Variants in TMEM156 observed in about 807,000 individuals in gnomAD.
TMEM156 encodes the protein transmembrane protein 156.
TMEM156 carries 28 observed loss-of-function variants against 30.5 expected under a neutral mutation model. That is an observed-to-expected ratio of 0.92 (90% CI 0.68 to 1.26). The LOEUF (loss-of-function observed/expected upper bound fraction) is 1.26, where lower values mean the gene tolerates loss of function less well. TMEM156 is among the 50% of genes most tolerant of loss of function. The probability of loss-of-function intolerance (pLI) is 0.00; values close to 1 mark genes in which losing one functional copy is unlikely to be tolerated. For missense variants in TMEM156, 351 were observed against 340.6 expected, an observed-to-expected ratio of 1.03 and a Z score of -0.24; for synonymous variants, 137 against 119.9, an observed-to-expected ratio of 1.14 and a Z score of -0.93.
At chr4:38,999,200 T>A (rs1713164755) in intron 1 of TMEM156, among the ~76,000 whole-genome samples, 1 of 151,580 alleles carries the variant, frequency 6.6e-6, no homozygotes, top group African/African-American at 2.4e-5. Context: ...TACTGCAGCC[T>A]TGGCCTCCCA....
At chr4:39,018,094 T>C (rs1009944597) in intron 1 of TMEM156, among the ~76,000 whole-genome samples, 17 of 152,274 alleles carry the variant, frequency 1.1e-4, no homozygotes, top group Admixed American at 7.2e-4. Context: ...ATTGATTCAG[T>C]GATTTTTTTT....
intron 5 of TMEM156, among the ~76,000 whole-genome samples, chr4:38,973,486 T>C (rs1055786053): frequency 6.6e-6 from 1 of 152,186 alleles, no homozygotes; most frequent in African/African-American, 2.4e-5. Flanking sequence ...ATACAGTGTA[T>C]CCTCTAACTG....
chr4:38,983,093 G>C (rs978578375), intron 5 of TMEM156, among the ~76,000 whole-genome samples: 1 of 152,132 alleles, frequency 6.6e-6, no homozygotes, highest in African/African-American at 2.4e-5. Context: ...CAGTTCAGAG[G>C]GGGGTGACAC....
At chr4:38,984,580 G>C (rs1182710767) in intron 5 of TMEM156, among the ~76,000 whole-genome samples, 4 of 151,806 alleles carry the variant, frequency 2.6e-5, no homozygotes, top group Non-Finnish European at 5.9e-5. Flanking sequence ...TCTCACTGCT[G>C]CCTATAATCC....
chr4:39,024,615 A>G (rs1020324222), intron 1 of TMEM156, among the ~76,000 whole-genome samples: 3 of 152,200 alleles, frequency 2.0e-5, no homozygotes, highest in Admixed American at 2.0e-4. Flanking sequence ...TATAAGTGGG[A>G]GCTAAATGAT....
chr4:38,975,127 G>C (rs1052047602), intron 5 of TMEM156, among the ~76,000 whole-genome samples: 3 of 152,058 alleles, frequency 2.0e-5, no homozygotes, highest in Non-Finnish European at 4.4e-5. Context: ...CTTCTAAAGG[G>C]TAAATGACAA....
chr4:38,970,575 T>A (rs569157307), intron 6 of TMEM156, among the ~76,000 whole-genome samples: 11 of 152,260 alleles, frequency 7.2e-5, no homozygotes, highest in African/African-American at 2.2e-4. Flanking sequence ...TAAAAAAAAA[T>A]TTCAACACTT....
intron 5 of TMEM156, among the ~76,000 whole-genome samples, chr4:38,972,242 A>AT (rs144479056): frequency 0.011 from 869 of 75,868 alleles, 57 homozygotes; most frequent in East Asian, 0.035. Flanking sequence ...TTCTCTGGGA[A>AT]TTTTTTTTTT....
intron 1 of TMEM156, among the ~76,000 whole-genome samples, chr4:39,014,991 GT>G (rs1219669491): frequency 2.6e-5 from 4 of 152,094 alleles, no homozygotes; most frequent in Non-Finnish European, 5.9e-5. Flanking sequence ...CATGGACTGA[GT>G]TTCTTTAATT....
chr4:39,006,753 C>CA (rs1404638499), intron 1 of TMEM156, among the ~76,000 whole-genome samples: 1 of 151,680 alleles, frequency 6.6e-6, no homozygotes. Context: ...CCCATCTCTA[C>CA]AAAAAATACA....
chr4:39,013,663 G>A (rs1714282401), intron 1 of TMEM156, among the ~76,000 whole-genome samples: 1 of 152,044 alleles, frequency 6.6e-6, no homozygotes, highest in Non-Finnish European at 1.5e-5. Flanking sequence ...GCCTCCCAAA[G>A]TGCCGGGATT....
chr4:39,031,350 C>T (rs923496988), intron 1 of TMEM156, among the ~76,000 whole-genome samples: 5 of 152,234 alleles, frequency 3.3e-5, no homozygotes, highest in South Asian at 2.1e-4. Flanking sequence ...TTTTCTGAAA[C>T]GTTCACAAAG....
intron 5 of TMEM156, among the ~76,000 whole-genome samples, chr4:38,984,349 CTG>C (rs34823853): frequency 0.16 from 20,973 of 130,552 alleles, 1,469 homozygotes; most frequent in Non-Finnish European, 0.17. Flanking sequence ...CTCTCTCTCT[CTG>C]TGTGTGTGTG....
chr4:39,025,180 C>T (rs879674378), intron 1 of TMEM156, among the ~76,000 whole-genome samples: 1 of 151,812 alleles, frequency 6.6e-6, no homozygotes, highest in Non-Finnish European at 1.5e-5. Context: ...AAAACCCTGT[C>T]TCTACTAAAA....
chr4:38,983,483 C>T (rs952762556), intron 5 of TMEM156, among the ~76,000 whole-genome samples: 4 of 152,160 alleles, frequency 2.6e-5, no homozygotes, highest in African/African-American at 4.8e-5. Context: ...ACTGCAGCCT[C>T]GACTTTCCAG....
At chr4:38,992,286 A>G (rs1712522468) in intron 3 of TMEM156, among the ~76,000 whole-genome samples, 1 of 151,848 alleles carries the variant, frequency 6.6e-6, no homozygotes, top group Non-Finnish European at 1.5e-5. Flanking sequence ...CATATCATCT[A>G]ACTTCATGAC....
chr4:38,973,482 T>C lies in TMEM156; in HGVS notation c.824-2345A>G, dbSNP rs567984042. On this transcript the variant is annotated intron_variant, in intron 5 of 6. Coordinates refer to ENST00000381938, the MANE Select transcript of TMEM156 (RefSeq NM_024943.3). ...TTATTTATAATTGTTTTAAATACAG[T>C]GTATCCTCTAACTGGTTATTGTTTA... Among the ~76,000 whole-genome samples, 12 of 152,306 alleles carry C rather than the reference T, an allele frequency of 7.9e-5. No individual in the cohort carries two copies. In the South Asian group the frequency reaches 2.3e-3, roughly 29 times the overall value.
chr4:38,994,852 C>T (rs114192061), intron 2 of TMEM156, among the ~76,000 whole-genome samples: 4 of 151,848 alleles, frequency 2.6e-5, no homozygotes, highest in South Asian at 2.1e-4. Flanking sequence ...GCAGGAGACT[C>T]GTTTGAACCT....
intron 4 of TMEM156, among the ~76,000 whole-genome samples, chr4:38,986,861 C>T (rs1480594288): frequency 1.3e-4 from 14 of 106,186 alleles, no homozygotes; most frequent in African/African-American, 4.8e-4. Context: ...AGGAAAGCGA[C>T]AGCTCTTATA....
Sources: gnomAD v4.1 joint callset for allele counts (sites outside exome capture counted in the v4.1 genomes callset) on GRCh38, gnomAD v4.1.1 for gene constraint, MANE v1.5 for transcripts, NCBI Gene and HGNC (gene_info 2026-07-23, HGNC 2026-07-21) for gene names.